Variants in SH3RF3 observed in about 807,000 individuals in gnomAD.
SH3RF3 encodes SH3 domain containing ring finger 3, also known as E3 ubiquitin-protein ligase SH3RF3.
A neutral mutation model predicts 66.3 loss-of-function variants in SH3RF3; 29 were observed. The ratio of observed to expected loss-of-function variants is 0.44; its 90% CI spans 0.33 to 0.60. The LOEUF (loss-of-function observed/expected upper bound fraction) is 0.60, where lower values mean the gene tolerates loss of function less well. SH3RF3 is among the 20% of genes least tolerant of loss of function. The pLI is 0.04. For missense variants in SH3RF3, 1,194 were observed against 1,190.9 expected (o/e 1.00, Z -0.04); for synonymous variants, 583 against 532.0 (o/e 1.10, Z -1.32).
At chr2:109,272,082 C>A (rs1321738951) in intron 1 of SH3RF3, among the ~76,000 whole-genome samples, 1 of 152,194 alleles carries the variant, frequency 6.6e-6, no homozygotes, top group African/African-American at 2.4e-5. Context: ...GGGCCTCCTG[C>A]CCCCACCACT....
chr2:109,220,780 G>A (rs1335258255), intron 1 of SH3RF3, among the ~76,000 whole-genome samples: 3 of 152,224 alleles, frequency 2.0e-5, no homozygotes, highest in Non-Finnish European at 4.4e-5. Flanking sequence ...GGGTTAGGAT[G>A]TGGAGAAATT....
intron 1 of SH3RF3, among the ~76,000 whole-genome samples, chr2:109,199,622 T>TCAACGCGAGTGCAGG: frequency 7.6e-3 from 1 of 132 alleles, no homozygotes; most frequent in African/African-American, 0.022. Flanking sequence ...TGGAATGGAA[T>TCAACGCGAGTGCAGG]GGAATGGAAT....
chr2:109,419,478 T>C, intron 4 of SH3RF3, 61 bp from the exon 5 acceptor site: 1 of 1,516,526 alleles, frequency 6.6e-7, no homozygotes, highest in Non-Finnish European at 8.9e-7. Flanking sequence ...ATTTTGCTTT[T>C]CTCTTTCCCT....
At chr2:109,189,367 C>CTTTT (rs5833320) in intron 1 of SH3RF3, among the ~76,000 whole-genome samples, 6 of 147,968 alleles carry the variant, frequency 4.1e-5, no homozygotes, top group Non-Finnish European at 4.5e-5. Context: ...AGTCGTTTGA[C>CTTTT]TTTTTTTTTT....
chr2:109,373,039 C>T (rs150833013), intron 3 of SH3RF3, among the ~76,000 whole-genome samples: 5 of 152,262 alleles, frequency 3.3e-5, no homozygotes, highest in East Asian at 3.9e-4. Flanking sequence ...CTCAAATATT[C>T]GGGACCAGTG....
At chr2:109,446,138 G>A (rs985869292) in intron 7 of SH3RF3, among the ~76,000 whole-genome samples, 11 of 152,184 alleles carry the variant, frequency 7.2e-5, no homozygotes, top group Non-Finnish European at 1.5e-4. Context: ...GAAAATAAGG[G>A]TAAATCCTAC....
In SH3RF3 at chr2:109,452,918, A is replaced by G. The variant is rs188096066; in HGVS notation, c.2148+3429A>G. On this transcript the variant is annotated intron_variant, in intron 8 of 9. Coordinates refer to ENST00000309415, the MANE Select transcript of SH3RF3 (RefSeq NM_001099289.3). ...AGGCTGGTCCCGGGAGGCTGGTGCC[A>G]GGAGGCTGGTCCCGGGAGGCTGGTG... 3.8e-3 allele frequency among the ~76,000 whole-genome samples: 506 copies of G among 134,372 alleles called. 18 individuals are homozygous for G. In the East Asian group the frequency reaches 0.066, roughly 18 times the overall value. The allele number at this position is 134,372 out of a possible 152,430, so 88.2% of individuals were successfully genotyped here.
At chr2:109,450,120 C>T (rs368993699) in intron 8 of SH3RF3, among the ~76,000 whole-genome samples, 10 of 151,936 alleles carry the variant, frequency 6.6e-5, no homozygotes, top group Admixed American at 5.2e-4. Context: ...CTGAGGCGGG[C>T]GGATCACCTG....
intron 3 of SH3RF3, among the ~76,000 whole-genome samples, chr2:109,394,142 G>GA (rs2104423038): frequency 6.6e-6 from 1 of 152,234 alleles, no homozygotes; most frequent in East Asian, 1.9e-4. Flanking sequence ...ATGGATGGAA[G>GA]AAACTCTTCA....
intron 1 of SH3RF3, among the ~76,000 whole-genome samples, chr2:109,192,504 G>GAGTA (rs1678391400): frequency 6.6e-6 from 1 of 152,214 alleles, no homozygotes; most frequent in South Asian, 2.1e-4. Flanking sequence ...TGTTGGATCA[G>GAGTA]AGTAAGCCTT....
intron 1 of SH3RF3, among the ~76,000 whole-genome samples, chr2:109,143,193 A>T (rs1490057136): frequency 6.6e-6 from 1 of 152,240 alleles, no homozygotes; most frequent in Non-Finnish European, 1.5e-5. Context: ...TGGTGCATAT[A>T]GAAAAATTGT....
intron 8 of SH3RF3, among the ~76,000 whole-genome samples, chr2:109,453,083 G>GA (rs1289737259): frequency 2.0e-5 from 3 of 152,202 alleles, no homozygotes; most frequent in African/African-American, 7.2e-5. Context: ...TTCCCTGCGT[G>GA]GCCCGATGTG....
chr2:109,271,766 T>G (rs1680631541), intron 1 of SH3RF3, among the ~76,000 whole-genome samples: 1 of 152,250 alleles, frequency 6.6e-6, no homozygotes, highest in African/African-American at 2.4e-5. Context: ...TGGACTTTTG[T>G]GGTATCAGTA....
At chr2:109,380,694 G>A (rs1458884424) in intron 3 of SH3RF3, among the ~76,000 whole-genome samples, 1 of 152,200 alleles carries the variant, frequency 6.6e-6, no homozygotes, top group Non-Finnish European at 1.5e-5. Context: ...GTCAGGGCCT[G>A]GCGAAGGGGC....
intron 1 of SH3RF3, among the ~76,000 whole-genome samples, chr2:109,194,429 C>T (rs182349177): frequency 3.3e-5 from 5 of 152,338 alleles, no homozygotes; most frequent in East Asian, 1.9e-4. Flanking sequence ...TCTTCAGCTG[C>T]GCTCTCGGCT....
chr2:109,294,737 G>T (rs1681269302), intron 1 of SH3RF3, among the ~76,000 whole-genome samples: 1 of 152,140 alleles, frequency 6.6e-6, no homozygotes, highest in South Asian at 2.1e-4. Flanking sequence ...GGAAGCTAGG[G>T]CCACACCCAA....
intron 1 of SH3RF3, among the ~76,000 whole-genome samples, chr2:109,303,295 C>T (rs1027664309): frequency 3.3e-5 from 5 of 152,226 alleles, no homozygotes; most frequent in African/African-American, 1.2e-4. Context: ...TTGGAACGTC[C>T]ATCCATGTGA....
At chr2:109,187,693 A>G (rs1324932228) in intron 1 of SH3RF3, among the ~76,000 whole-genome samples, 2 of 152,198 alleles carry the variant, frequency 1.3e-5, no homozygotes, top group African/African-American at 2.4e-5. Flanking sequence ...ATGTCACCCA[A>G]GGACTCATTT....
intron 1 of SH3RF3, among the ~76,000 whole-genome samples, chr2:109,272,629 C>T (rs1041785985): frequency 1.5e-4 from 23 of 152,216 alleles, no homozygotes; most frequent in Non-Finnish European, 2.4e-4. Flanking sequence ...CACATGCTTC[C>T]GCACAGACAC....
Sources: allele counts gnomAD v4.1 joint callset (sites outside exome capture counted in the v4.1 genomes callset), GRCh38; gene constraint gnomAD v4.1.1; transcripts MANE v1.5; gene names NCBI Gene and HGNC (gene_info 2026-07-23, HGNC 2026-07-21).